The following KIAA1586 variants were observed in gnomAD, a reference collection of about 807,000 sequenced individuals.
KIAA1586 encodes the protein E3 SUMO-protein ligase KIAA1586.
Under a neutral mutation model 6.1 loss-of-function variants are expected in KIAA1586, and 5 were observed. The ratio of observed to expected loss-of-function variants is 0.82; its 90% CI spans 0.43 to 1.73. The LOEUF is 1.73. Ranked by LOEUF, KIAA1586 falls within the 40% of genes most tolerant of loss-of-function variation. The pLI, the probability that KIAA1586 is intolerant of heterozygous loss-of-function variation, is 0.02. For synonymous variants in KIAA1586, 280 were observed against 301.7 expected (o/e 0.93, Z 0.75); for missense variants, 899 against 878.2 (o/e 1.02, Z -0.30).
At chr6:57,055,740 G>A (rs1048117315), downstream of KIAA1586, among the ~76,000 whole-genome samples, 5 of 152,110 alleles carry the variant, frequency 3.3e-5, no homozygotes, top group Non-Finnish European at 7.4e-5. Flanking sequence ...TACTGAAAAA[G>A]AATCAAGTGG....
At chr6:57,052,428 A>G (rs1039939074) in intron 3 of KIAA1586, among the ~76,000 whole-genome samples, 1 of 152,158 alleles carries the variant, frequency 6.6e-6, no homozygotes, top group African/African-American at 2.4e-5. Context: ...GAAACATATG[A>G]CCAACCATTT....
chr6:57,050,928 G>T, intron 3 of KIAA1586, 74 bp downstream of exon 3: 1 of 1,102,254 alleles, frequency 9.1e-7, no homozygotes. Flanking sequence ...GCTTGAACTG[G>T]ATCATAAGAA....
chr6:57,053,254 C>T lies in KIAA1586; in HGVS notation c.755C>T (p.Thr252Ile), dbSNP rs1014870136. 14 of 1,601,444 alleles carry T rather than the reference C, an allele frequency of 8.7e-6. No homozygotes were observed. The highest frequency in any genetic ancestry group is 1.1e-5 in the Non-Finnish European group (13 of 1,175,800). The part of the protein sequence containing the change: ...NIDATVKVFN[T>I]VYSLVKHNRP... Reference sequence around the variant, plus strand: ...GATGCTACTGTAAAAGTTTTCAATACTGTTTACAGTTTAGTAAAACATAAC... The same window carrying T: ...GATGCTACTGTAAAAGTTTTCAATATTGTTTACAGTTTAGTAAAACATAAC... The change falls in exon 4 of 4, where the codon ACT (threonine) becomes ATT (isoleucine). Residue 252 changes from threonine (T) to isoleucine (I), a missense_variant. Transcript: ENST00000370733.
downstream of KIAA1586, among the ~76,000 whole-genome samples, chr6:57,056,587 A>T (rs1462224536): frequency 1.4e-5 from 2 of 148,122 alleles, no homozygotes; most frequent in Non-Finnish European, 3.0e-5. Context: ...CTGCTATGTC[A>T]CCCAAGCTGG....
chr6:57,054,634 A>G lies in KIAA1586; in HGVS notation c.2135A>G (p.Asn712Ser), dbSNP rs74974823. ...INSAEAERGF[N>S]LMNIICTRVR... The stretch of plus-strand genomic sequence containing the variant: ...AGTGCTGAAGCTGAAAGGGGTTTCA[A>G]TTTAATGAACATAATTTGTACAAGG... Residue 712 changes from asparagine to serine, a missense_variant, in exon 4 of 4, where the codon AAT becomes AGT. Coordinates refer to ENST00000370733, the MANE Select transcript of KIAA1586 (RefSeq NM_020931.4). The G allele has an allele frequency of 1.7e-5, 27 of 1,585,970 alleles. No homozygotes were observed. The highest frequency in any genetic ancestry group is 4.0e-5 in the African/African-American group (3 of 74,126).
intron 2 of KIAA1586, among the ~76,000 whole-genome samples, chr6:57,050,181 A>G (rs538560796): frequency 6.6e-6 from 1 of 151,848 alleles, no homozygotes; most frequent in African/African-American, 2.4e-5. Flanking sequence ...TCCCATTTTG[A>G]AAGGAATCTA....
intron 3 of KIAA1586, 139 bp downstream of exon 3, chr6:57,050,993 G>T (rs1828308388): frequency 1.7e-6 from 1 of 579,472 alleles, no homozygotes; most frequent in East Asian, 3.5e-5. Context: ...ACTTTGGGAG[G>T]CCGAGGCGGT....
In KIAA1586 at chr6:57,046,726, A is replaced by C. The variant is rs1257725062; in HGVS notation, c.-30A>C. On this transcript the variant is annotated 5_prime_UTR_variant, in exon 1 of 4. Transcript: ENST00000370733. ...CTGCGGCAGTAGGGACAGCAGGAGC[A>C]GTGGTGCTGTCAGCGCGGCCGTCGG... 1.2e-6 allele frequency: 2 copies of C among 1,612,186 alleles called. No homozygotes were observed. Among genetic ancestry groups the C allele is most frequent in the East Asian group, 4.5e-5 (2 of 44,830 alleles).
the KIAA1586 span, among the ~76,000 whole-genome samples, chr6:57,065,496 T>G: frequency 6.6e-6 from 1 of 151,842 alleles, no homozygotes; most frequent in Non-Finnish European, 1.5e-5. Context: ...TTTTTTGTTT[T>G]TTTTTTTTTT....
At chr6:57,049,408 C>T (rs1321135643) in intron 2 of KIAA1586, among the ~76,000 whole-genome samples, 4 of 152,054 alleles carry the variant, frequency 2.6e-5, no homozygotes, top group Non-Finnish European at 5.9e-5. Context: ...TTTGTTACTT[C>T]TTGATATATT....
the KIAA1586 span, among the ~76,000 whole-genome samples, chr6:57,065,799 A>G: frequency 6.6e-6 from 1 of 152,064 alleles, no homozygotes; most frequent in Non-Finnish European, 1.5e-5. Context: ...ATTTTTATGT[A>G]GTTTCTATAT....
At chr6:57,064,338 A>G in the KIAA1586 span, among the ~76,000 whole-genome samples, 1 of 152,204 alleles carries the variant, frequency 6.6e-6, no homozygotes, top group Admixed American at 6.5e-5. Flanking sequence ...AATAGGAAGG[A>G]TATTTTCAGT....
Position 57,053,274 on chromosome 6 carries a change from C to T in KIAA1586, c.775C>T (p.His259Tyr), listed in dbSNP as rs1828387577. The T allele has an allele frequency of 1.2e-6, 2 of 1,606,694 alleles. No individual in the cohort carries two copies. Among genetic ancestry groups the T allele is most frequent in the Admixed American group, 1.7e-5 (1 of 58,088 alleles). Reference protein sequence around the residue: ...VFNTVYSLVKHNRPLSDIEGA... With the variant: ...VFNTVYSLVKYNRPLSDIEGA... The stretch of plus-strand genomic sequence containing the variant: ...CAATACTGTTTACAGTTTAGTAAAA[C>T]ATAACAGACCTTTATCTGATATTGA... The change falls in exon 4 of 4, where the codon CAT (histidine) becomes TAT (tyrosine). Residue 259 changes from histidine to tyrosine, a missense_variant. Transcript: ENST00000370733.
chr6:57,065,683 C>T, the KIAA1586 span, among the ~76,000 whole-genome samples: 5 of 152,112 alleles, frequency 3.3e-5, no homozygotes, highest in African/African-American at 1.2e-4. Flanking sequence ...GACGGAGTCT[C>T]ACTACATTGC....
downstream of KIAA1586, among the ~76,000 whole-genome samples, chr6:57,059,614 T>C (rs1398156797): frequency 6.6e-6 from 1 of 150,494 alleles, no homozygotes; most frequent in Non-Finnish European, 1.5e-5. Context: ...TAGAATTACA[T>C]ATGTGGCTTG....
downstream of KIAA1586, among the ~76,000 whole-genome samples, chr6:57,059,837 C>A (rs1446948836): frequency 6.6e-6 from 1 of 152,130 alleles, no homozygotes; most frequent in African/African-American, 2.4e-5. Context: ...AATGGCCCAA[C>A]CATTTCCCTT....
At chr6:57,050,918 G>A in intron 3 of KIAA1586, 64 bp downstream of exon 3, 1 of 1,168,228 alleles carries the variant, frequency 8.6e-7, no homozygotes, top group Non-Finnish European at 1.3e-6. Flanking sequence ...GTTGGTGGTA[G>A]CTTGAACTGG....
chr6:57,054,679 T>G lies in KIAA1586; in HGVS notation c.2180T>G (p.Ile727Arg). Residue 727 changes from isoleucine (I) to arginine (R), a missense_variant, in exon 4 of 4, where the codon ATA (isoleucine) becomes AGA (arginine). Ile to Arg is a moderately conservative substitution (Grantham distance 97, BLOSUM62 -3). Transcript: ENST00000370733. Reference protein sequence around the residue: ...ICTRVRNSLTIDHVSDLMTIN... With the variant: ...ICTRVRNSLTRDHVSDLMTIN... ...ACAAGGGTGAGAAATAGTTTAACAA[T>G]AGATCATGTATCAGATTTAATGACA... The G allele has an allele frequency of 6.4e-7, 1 of 1,555,074 alleles. No individual in the cohort carries two copies. Among genetic ancestry groups the G allele is most frequent in the Non-Finnish European group, 8.7e-7 (1 of 1,148,112 alleles).
In KIAA1586 at chr6:57,053,587, T is replaced by G. The variant is rs778919949; in HGVS notation, c.1088T>G (p.Val363Gly). 1.2e-6 allele frequency: 2 copies of G among 1,608,552 alleles called. No homozygotes were observed. Among genetic ancestry groups the G allele is most frequent in the Admixed American group, 3.3e-5 (2 of 59,770 alleles). ...GTGTCAACTATAGCAGAGTGTATTGTCAATACATTATTGACTACTTTAAAT... is the reference window on the plus strand; with the variant it reads ...GTGTCAACTATAGCAGAGTGTATTGGCAATACATTATTGACTACTTTAAAT... ...ELVSTIAECI[V>G]NTLLTTLNDC... Residue 363 changes from valine (V) to glycine (G), a missense_variant, in exon 4 of 4, where the codon GTC (valine) becomes GGC (glycine). Coordinates refer to ENST00000370733, the MANE Select transcript of KIAA1586 (RefSeq NM_020931.4).
Sources: gnomAD v4.1 joint callset for allele counts (sites outside exome capture counted in the v4.1 genomes callset) on GRCh38, gnomAD v4.1.1 for gene constraint, MANE v1.5 for transcripts, NCBI Gene and HGNC (gene_info 2026-07-23, HGNC 2026-07-21) for gene names.